Variants in ARHGAP15 observed in about 807,000 individuals in gnomAD.
ARHGAP15 encodes the protein Rho GTPase activating protein 15.
In ARHGAP15, 51 loss-of-function variants were observed where a neutral mutation model predicts 63.7. That is an observed-to-expected ratio of 0.80 (90% CI 0.64 to 1.01). The LOEUF (loss-of-function observed/expected upper bound fraction) is 1.01. Among genes scored for constraint, ARHGAP15 ranks in the 50% least tolerant of loss-of-function variants. The pLI is 0.00. For missense variants in ARHGAP15, 560 were observed against 564.6 expected, an observed-to-expected ratio of 0.99 and a Z score of 0.08; for synonymous variants, 191 against 193.8, an observed-to-expected ratio of 0.99 and a Z score of 0.12.
chr2:143,176,664 T>A (rs950247967), intron 2 of ARHGAP15, among the ~76,000 whole-genome samples: 13 of 152,200 alleles, frequency 8.5e-5, no homozygotes, highest in African/African-American at 3.1e-4. Flanking sequence ...AAAAAGAGTA[T>A]TTGCTTTTAT....
chr2:143,386,558 A>G (rs1193819598), intron 6 of ARHGAP15, among the ~76,000 whole-genome samples: 1 of 152,174 alleles, frequency 6.6e-6, no homozygotes, highest in Admixed American at 6.5e-5. Context: ...AGTGAGAAAT[A>G]GACTGAAGTT....
At chr2:143,609,317 A>G (rs1185322768) in intron 11 of ARHGAP15, among the ~76,000 whole-genome samples, 1 of 152,162 alleles carries the variant, frequency 6.6e-6, no homozygotes, top group African/African-American at 2.4e-5. Flanking sequence ...AACCTTTTAA[A>G]TGGTACAAAA....
chr2:143,469,496 G>A (rs1027791394), intron 8 of ARHGAP15, among the ~76,000 whole-genome samples: 7 of 152,236 alleles, frequency 4.6e-5, no homozygotes, highest in African/African-American at 1.7e-4. Context: ...TGCCCCACAC[G>A]CGAGCTCCAG....
chr2:143,446,046 G>C (rs1690122943), intron 8 of ARHGAP15, among the ~76,000 whole-genome samples: 2 of 151,604 alleles, frequency 1.3e-5, no homozygotes, highest in African/African-American at 2.4e-5. Context: ...CTGAGAGTCA[G>C]AAAATTTGAG....
At chr2:143,688,567 A>G (rs907297545) in intron 12 of ARHGAP15, among the ~76,000 whole-genome samples, 1 of 152,190 alleles carries the variant, frequency 6.6e-6, no homozygotes, top group Non-Finnish European at 1.5e-5. Context: ...AGTTTTGTTT[A>G]CAGTGTCTCT....
At chr2:143,407,676 C>A (rs529876857) in intron 6 of ARHGAP15, among the ~76,000 whole-genome samples, 71 of 151,646 alleles carry the variant, frequency 4.7e-4, no homozygotes, top group Non-Finnish European at 8.1e-4. Context: ...TCTTCAAAAT[C>A]TTTGATTTCA....
chr2:143,687,718 C>T (rs1387343625), intron 12 of ARHGAP15, among the ~76,000 whole-genome samples: 3 of 152,100 alleles, frequency 2.0e-5, no homozygotes, highest in Admixed American at 6.5e-5. Flanking sequence ...TTGGCATAGA[C>T]CAAACTAAAC....
chr2:143,585,679 A>T (rs946362560), intron 11 of ARHGAP15, among the ~76,000 whole-genome samples: 2 of 152,224 alleles, frequency 1.3e-5, no homozygotes, highest in African/African-American at 2.4e-5. Context: ...TTTAATAAAA[A>T]GTGTTTTTAT....
At chr2:143,277,038 T>C (rs529757458) in intron 6 of ARHGAP15, among the ~76,000 whole-genome samples, 1 of 152,208 alleles carries the variant, frequency 6.6e-6, no homozygotes, top group East Asian at 1.9e-4. Context: ...TATTTCACAG[T>C]GTTCTTTGTA....
chr2:143,377,001 A>C (rs1357327552), intron 6 of ARHGAP15, among the ~76,000 whole-genome samples: 1 of 152,118 alleles, frequency 6.6e-6, no homozygotes, highest in Non-Finnish European at 1.5e-5. Flanking sequence ...ACTTCAATTC[A>C]TTTGCCTGGC....
chr2:143,253,634 T>C (rs951293401), intron 6 of ARHGAP15, among the ~76,000 whole-genome samples: 3 of 151,830 alleles, frequency 2.0e-5, no homozygotes, highest in Admixed American at 6.6e-5. Context: ...TTTGGCCTAA[T>C]TGGTACTTCT....
chr2:143,330,927 C>T (rs1684521189), intron 6 of ARHGAP15, among the ~76,000 whole-genome samples: 1 of 152,142 alleles, frequency 6.6e-6, no homozygotes. Flanking sequence ...ATTACTGAAC[C>T]ATTGTCGCTT....
At chr2:143,766,937 T>C (rs977691334) in intron 13 of ARHGAP15, 8 of 152,158 alleles carry the variant, frequency 5.3e-5, no homozygotes, top group African/African-American at 1.9e-4. Flanking sequence ...AAGAGAGGCC[T>C]CTAAAGTCCA....
At chr2:143,386,153 A>G (rs1687278125) in intron 6 of ARHGAP15, among the ~76,000 whole-genome samples, 1 of 152,156 alleles carries the variant, frequency 6.6e-6, no homozygotes, top group Non-Finnish European at 1.5e-5. Context: ...CTTGAGGTAT[A>G]TTACAGCCTG....
At chr2:143,430,576 G>A (rs1248471343) in intron 6 of ARHGAP15, among the ~76,000 whole-genome samples, 2 of 151,950 alleles carry the variant, frequency 1.3e-5, no homozygotes, top group African/African-American at 2.4e-5. Flanking sequence ...TTATTACTTC[G>A]ATTTTAGGTC....
intron 1 of ARHGAP15, among the ~76,000 whole-genome samples, chr2:143,141,787 G>C (rs986187931): frequency 2.0e-5 from 3 of 152,038 alleles, no homozygotes; most frequent in African/African-American, 7.2e-5. Flanking sequence ...ATGAAATACT[G>C]AAAATAATAT....
At chr2:143,179,613 C>T (rs532085053) in intron 2 of ARHGAP15, among the ~76,000 whole-genome samples, 11 of 152,200 alleles carry the variant, frequency 7.2e-5, no homozygotes, top group African/African-American at 2.6e-4. Context: ...ATGAGCCAAG[C>T]GTGATGGCTC....
intron 6 of ARHGAP15, among the ~76,000 whole-genome samples, chr2:143,319,007 T>C (rs532167358): frequency 1.8e-4 from 28 of 152,152 alleles, no homozygotes; most frequent in Non-Finnish European, 2.8e-4. Flanking sequence ...CTTAATCTCT[T>C]CTAGCCCACA....
Position 143,384,551 on chromosome 2 carries a change from A to G in ARHGAP15, c.475-51050A>G, listed in dbSNP as rs575258551. On this transcript the variant is annotated intron_variant, in intron 6 of 13. Coordinates refer to ENST00000295095, the MANE Select transcript of ARHGAP15 (RefSeq NM_018460.4). ...AAATTTAACTCAGGCAAAAAGGCCT[A>G]TGTGTTTTAGAGTTAAAAAAAAAAA... Among the ~76,000 whole-genome samples, 6 of 126,948 alleles carry G rather than the reference A, an allele frequency of 4.7e-5. No homozygotes were observed. In the South Asian group the frequency reaches 1.5e-3, roughly 32 times the overall value. The allele number at this position is 126,948 out of a possible 152,430, so 83.3% of individuals were successfully genotyped here.
Sources: allele counts gnomAD v4.1 joint callset (sites outside exome capture counted in the v4.1 genomes callset), GRCh38; gene constraint gnomAD v4.1.1; transcripts MANE v1.5; gene names NCBI Gene and HGNC (gene_info 2026-07-23, HGNC 2026-07-21).